The following PCBP3 variants were observed in gnomAD, a reference collection of about 807,000 sequenced individuals.
PCBP3 encodes poly(rC)-binding protein 3.
Under a neutral mutation model 52.7 loss-of-function variants are expected in PCBP3, and 25 were observed. That is an observed-to-expected ratio of 0.47 (90% CI 0.35 to 0.66). The LOEUF (loss-of-function observed/expected upper bound fraction) is 0.66. Ranked by LOEUF, PCBP3 falls within the 30% of genes least tolerant of loss-of-function variation. The pLI, the probability that PCBP3 is intolerant of heterozygous loss-of-function variation, is 0.01. For synonymous variants in PCBP3, 162 were observed against 183.0 expected, an observed-to-expected ratio of 0.89 and a Z score of 0.93; for missense variants, 391 against 490.3, an observed-to-expected ratio of 0.80 and a Z score of 1.91.
chr21:45,930,793 G>T lies in PCBP3; in HGVS notation c.804G>T (p.Lys268Asn). ...GQTNPAFPGE[K>N]LPLHSSEEAQ... ...CTCTTCTTTGCTCTCCAGGAGAAAA[G>T]CTGCCTTTACACTCCTCCGAAGAAG... The change falls in exon 15 of 18, where the codon AAG becomes AAT. Residue 268 changes from lysine (K) to asparagine (N), a missense_variant. Coordinates refer to ENST00000681687, the MANE Select transcript of PCBP3 (RefSeq NM_001384156.1). The T allele has an allele frequency of 7.3e-7, 1 of 1,372,892 alleles. No individual in the cohort carries two copies. Among genetic ancestry groups the T allele is most frequent in the East Asian group, 2.3e-5 (1 of 43,858 alleles). The allele number at this position is 1,372,892 out of a possible 1,614,324, so 85.0% of individuals were successfully genotyped here. A position where few individuals can be genotyped will look rare whatever the true frequency, so the allele number is the denominator to read the frequency against.
intron 4 of PCBP3, among the ~76,000 whole-genome samples, chr21:45,780,973 G>A (rs930446489): frequency 1.3e-5 from 2 of 152,190 alleles, no homozygotes; most frequent in South Asian, 2.1e-4. Context: ...AGTCATTTGG[G>A]CTGTGGGGGT....
At chr21:45,865,277 G>A (rs946294950) in intron 5 of PCBP3, among the ~76,000 whole-genome samples, 8 of 152,178 alleles carry the variant, frequency 5.3e-5, no homozygotes, top group African/African-American at 9.7e-5. Context: ...GGGAGATGCC[G>A]CTGTAATGAG....
At chr21:45,722,938 C>T (rs1029550518) in intron 2 of PCBP3, among the ~76,000 whole-genome samples, 3 of 151,472 alleles carry the variant, frequency 2.0e-5, no homozygotes, top group East Asian at 1.9e-4. Flanking sequence ...CACTTGAACC[C>T]GGGAGGTGGA....
chr21:45,801,647 C>G (rs566581525), intron 4 of PCBP3, among the ~76,000 whole-genome samples: 1 of 152,340 alleles, frequency 6.6e-6, no homozygotes, highest in East Asian at 1.9e-4. Flanking sequence ...ATACTTGATT[C>G]AGTAGATCCT....
chr21:45,726,125 A>G (rs1037069714), intron 2 of PCBP3, among the ~76,000 whole-genome samples: 2 of 151,838 alleles, frequency 1.3e-5, no homozygotes, highest in African/African-American at 2.4e-5. Context: ...TGGAAGGAGG[A>G]CTCAGACCTG....
chr21:45,941,185 A>G (rs2149621231), intron 17 of PCBP3, among the ~76,000 whole-genome samples: 1 of 152,306 alleles, frequency 6.6e-6, no homozygotes, highest in African/African-American at 2.4e-5. Flanking sequence ...GGCTGGGCAA[A>G]GTGCAGCATT....
intron 5 of PCBP3, chr21:45,858,629 ACTC>A (rs2094398081): frequency 6.6e-6 from 1 of 151,766 alleles, no homozygotes. Flanking sequence ...CCCAAACTGA[ACTC>A]CTCGTCATAG....
intron 14 of PCBP3, among the ~76,000 whole-genome samples, chr21:45,930,485 C>T (rs957209252): frequency 1.3e-5 from 2 of 152,332 alleles, no homozygotes; most frequent in African/African-American, 4.8e-5. Context: ...CTAGCCCAGT[C>T]GCTGTCATGA....
chr21:45,920,621 G>T (rs1446099763), intron 13 of PCBP3, among the ~76,000 whole-genome samples: 1 of 152,208 alleles, frequency 6.6e-6, no homozygotes, highest in Non-Finnish European at 1.5e-5. Flanking sequence ...GGGCTGGGGA[G>T]TGATTGGGTC....
At chr21:45,664,885 G>A (rs2080688916) in intron 1 of PCBP3, among the ~76,000 whole-genome samples, 1 of 150,436 alleles carries the variant, frequency 6.6e-6, no homozygotes, top group Non-Finnish European at 1.5e-5. Flanking sequence ...TTTTGTTCTT[G>A]CGATAGTTTA....
chr21:45,865,706 C>T (rs368667916), intron 5 of PCBP3, among the ~76,000 whole-genome samples: 10 of 152,338 alleles, frequency 6.6e-5, no homozygotes, highest in South Asian at 4.1e-4. Context: ...GCCCTGCAGA[C>T]GCCACACAGC....
At chr21:45,877,569 C>T (rs1437912894) in intron 5 of PCBP3, among the ~76,000 whole-genome samples, 1 of 152,128 alleles carries the variant, frequency 6.6e-6, no homozygotes, top group African/African-American at 2.4e-5. Flanking sequence ...TTTGGGAGGC[C>T]GAAGCAGCCA....
chr21:45,912,786 A>G (rs10854474), intron 11 of PCBP3, among the ~76,000 whole-genome samples: 121,747 of 152,132 alleles, frequency 0.8, 49,478 homozygotes, highest in East Asian at 1. Context: ...GGAGGGCAGC[A>G]GCGGCTCCCG....
chr21:45,876,129 C>T (rs879513091), intron 5 of PCBP3, among the ~76,000 whole-genome samples: 27 of 152,280 alleles, frequency 1.8e-4, no homozygotes, highest in South Asian at 8.3e-4. Flanking sequence ...ACCAGGGCAC[C>T]GATGGAGCGG....
chr21:45,674,770 A>T (rs987289758), intron 2 of PCBP3, among the ~76,000 whole-genome samples: 7 of 152,142 alleles, frequency 4.6e-5, no homozygotes, highest in African/African-American at 1.4e-4. Flanking sequence ...GCTTGCTTTT[A>T]TATGAGGGCA....
intron 9 of PCBP3, 78 bp from the exon 10 acceptor site, chr21:45,909,277 C>T (rs2096279696): frequency 6.8e-7 from 1 of 1,472,672 alleles, no homozygotes. Flanking sequence ...TGTGGGAAGT[C>T]AGGACACACC....
chr21:45,849,896 G>A, intron 4 of PCBP3, 65 bp from the exon 5 acceptor site: 1 of 618,466 alleles, frequency 1.6e-6, no homozygotes. Context: ...TTCCGTTGAA[G>A]CCCAGTGCTG....
intron 4 of PCBP3, among the ~76,000 whole-genome samples, chr21:45,765,289 A>G (rs1390744162): frequency 2.6e-5 from 4 of 152,108 alleles, no homozygotes; most frequent in African/African-American, 9.7e-5. Context: ...GGCCTGGGAA[A>G]CCCTTCCCAC....
chr21:45,694,977 A>T (rs2082684074), intron 2 of PCBP3, among the ~76,000 whole-genome samples: 1 of 152,230 alleles, frequency 6.6e-6, no homozygotes, highest in Admixed American at 6.5e-5. Flanking sequence ...ACATATAAAG[A>T]TGTGCAAAAG....
Sources: allele counts gnomAD v4.1 joint callset (sites outside exome capture counted in the v4.1 genomes callset), GRCh38; gene constraint gnomAD v4.1.1; transcripts MANE v1.5; gene names NCBI Gene and HGNC (gene_info 2026-07-23, HGNC 2026-07-21).